Variants in PCGF5 observed in about 807,000 individuals in gnomAD.
PCGF5 encodes the protein polycomb group RING finger protein 5.
In PCGF5, 9 loss-of-function variants were observed where a neutral mutation model predicts 44.3. The observed-to-expected ratio is 0.20, with a 90% confidence interval of 0.12 to 0.35. The LOEUF (loss-of-function observed/expected upper bound fraction) is 0.35, where lower values mean the gene tolerates loss of function less well. Ranked by LOEUF, PCGF5 falls within the 10% of genes least tolerant of loss-of-function variation. PCGF5 has a pLI of 1.00. For missense variants in PCGF5, 146 were observed against 305.3 expected, an observed-to-expected ratio of 0.48 and a Z score of 3.89; for synonymous variants, 95 against 102.5, an observed-to-expected ratio of 0.93 and a Z score of 0.44.
chr10:91,178,550 C>T (rs978006212), intron 1 of PCGF5, among the ~76,000 whole-genome samples: 13 of 151,816 alleles, frequency 8.6e-5, no homozygotes, highest in African/African-American at 1.5e-4. Context: ...TCACCACACC[C>T]GGCTAATTTT....
rs560302979 is a variant in PCGF5, at chr10:91,259,714, T to C, written c.475-1612T>C. On this transcript the variant is annotated intron_variant, in intron 6 of 9. Transcript: ENST00000336126. ...TGACAAACCTGACAAAAACAAGAAA[T>C]GGGGAAAGGATTTCCTATTTAATAA... 4.2e-3 allele frequency among the ~76,000 whole-genome samples: 643 copies of C among 152,202 alleles called. 1 individual carries two copies. Among genetic ancestry groups the C allele is most frequent in the African/African-American group, 0.015 (611 of 41,518 alleles).
At chr10:91,186,598 GTA>G (rs1200136133) in intron 1 of PCGF5, among the ~76,000 whole-genome samples, 1 of 104,858 alleles carries the variant, frequency 9.5e-6, no homozygotes, top group East Asian at 2.1e-4. Context: ...ATATATATGT[GTA>G]TATATACACA....
At chr10:91,246,965 GGATAGATAGATAGATA>G (rs67397753) in intron 3 of PCGF5, among the ~76,000 whole-genome samples, 5,748 of 144,796 alleles carry the variant, frequency 0.04, 121 homozygotes, top group African/African-American at 0.05. Context: ...ATGGATAGAT[GGATAGATAGATAGATA>G]GATAGATAGA....
intron 2 of PCGF5, among the ~76,000 whole-genome samples, chr10:91,236,858 G>A (rs1246904321): frequency 6.6e-6 from 1 of 152,112 alleles, no homozygotes; most frequent in Non-Finnish European, 1.5e-5. Context: ...ATCTTCTAGA[G>A]ATTTTTTTAA....
chr10:91,179,285 A>G (rs1022266409), intron 1 of PCGF5, among the ~76,000 whole-genome samples: 1 of 152,218 alleles, frequency 6.6e-6, no homozygotes, highest in Admixed American at 6.5e-5. Flanking sequence ...TAGATTACCC[A>G]TGAATAATCA....
chr10:91,263,976 T>G (rs898747944), intron 7 of PCGF5, among the ~76,000 whole-genome samples: 2 of 152,082 alleles, frequency 1.3e-5, no homozygotes, highest in African/African-American at 4.8e-5. Flanking sequence ...CCCAAACTAA[T>G]AAGAAGATAG....
intron 1 of PCGF5, among the ~76,000 whole-genome samples, chr10:91,188,076 G>A (rs4933650): frequency 0.93 from 141,454 of 152,284 alleles, 65,783 homozygotes; most frequent in African/African-American, 0.97. Flanking sequence ...TGCTGCACCC[G>A]TTAACTCCCC....
At chr10:91,175,662 C>T (rs1367608348) in intron 1 of PCGF5, among the ~76,000 whole-genome samples, 2 of 152,060 alleles carry the variant, frequency 1.3e-5, no homozygotes, top group African/African-American at 4.8e-5. Context: ...AAATGAACAA[C>T]AATAAAAAAA....
At position 91,222,826 on chromosome 10, in the gene PCGF5, A is replaced by T. The variant is rs1373830537; in HGVS notation, c.-46A>T. 8.7e-7 allele frequency: 1 copy of T among 1,155,128 alleles called. No homozygotes were observed. Among genetic ancestry groups the T allele is most frequent in the East Asian group, 2.4e-5 (1 of 42,486 alleles). The allele number at this position is 1,155,128 out of a possible 1,614,324, so 71.6% of individuals were successfully genotyped here. A position where few individuals can be genotyped will look rare whatever the true frequency, so the allele number is the denominator to read the frequency against. On this transcript the variant is annotated 5_prime_UTR_variant, in exon 2 of 10. Coordinates refer to ENST00000336126, the MANE Select transcript of PCGF5 (RefSeq NM_032373.5). ...GGGATCAGACTTTCATCTACTTAGG[A>T]CCCCTCTTTGCCCAGACTACTAAAG... is the stretch of plus-strand genomic sequence containing the variant.
chr10:91,268,393 T>C (rs917369883), intron 8 of PCGF5, among the ~76,000 whole-genome samples: 2 of 152,224 alleles, frequency 1.3e-5, no homozygotes, highest in Admixed American at 1.3e-4. Context: ...TGACTAGTTT[T>C]ACCCATTTAT....
chr10:91,202,760 G>A (rs569843539), intron 1 of PCGF5, among the ~76,000 whole-genome samples: 2 of 152,244 alleles, frequency 1.3e-5, no homozygotes, highest in Non-Finnish European at 2.9e-5. Context: ...GGGGCAAGGG[G>A]TAGTTAGGCG....
rs1846435329 is a variant in PCGF5, at chr10:91,280,789, T to C, written c.*2473T>C. The C allele has an allele frequency of 6.6e-6, 1 of 152,196 alleles. No individual in the cohort carries two copies. The highest frequency in any genetic ancestry group is 1.5e-5 in the Non-Finnish European group (1 of 67,886). 9.4% of individuals were successfully genotyped at this position (152,196 alleles called of 1,614,324 possible). ...TCAGATTGTAGAATTTGCAAGAAAC[T>C]AGGTATAGAAAAAATGTACAGGCAA... On this transcript the variant is annotated 3_prime_UTR_variant, in exon 10 of 10. Coordinates refer to ENST00000336126, the MANE Select transcript of PCGF5 (RefSeq NM_032373.5).
Position 91,283,232 on chromosome 10 carries a change from ATAAAAT to A in PCGF5, c.*4923_*4928del, listed in dbSNP as rs1336719076. 18 of 152,356 alleles carry A rather than the reference ATAAAAT, an allele frequency of 1.2e-4. No individual in the cohort carries two copies. Among genetic ancestry groups the A allele is most frequent in the Admixed American group, 7.2e-4 (11 of 15,310 alleles). 9.4% of individuals were successfully genotyped at this position (152,356 alleles called of 1,614,324 possible). On this transcript the variant is annotated 3_prime_UTR_variant, in exon 10 of 10. Coordinates refer to ENST00000336126, the MANE Select transcript of PCGF5 (RefSeq NM_032373.5). ...TTACTTGCTTTCTTTATATTTTCAA[ATAAAAT>A]TAAAATGCTCGAGCACTTCCTTTCA...
At chr10:91,237,340 A>T (rs1196892387) in intron 2 of PCGF5, among the ~76,000 whole-genome samples, 1 of 152,220 alleles carries the variant, frequency 6.6e-6, no homozygotes, top group Non-Finnish European at 1.5e-5. Context: ...AGCAAGTCAG[A>T]ATATTACATT....
chr10:91,274,373 G>T (rs192856208), intron 9 of PCGF5, among the ~76,000 whole-genome samples: 3 of 152,216 alleles, frequency 2.0e-5, no homozygotes, highest in African/African-American at 7.2e-5. Flanking sequence ...TTAAAATAAG[G>T]TCTTGCCTTA....
At chr10:91,254,752 GAGTA>G (rs1845706525) in intron 6 of PCGF5, among the ~76,000 whole-genome samples, 1 of 152,194 alleles carries the variant, frequency 6.6e-6, no homozygotes, top group African/African-American at 2.4e-5. Flanking sequence ...AAAAAGAGTA[GAGTA>G]AGTATCTCTG....
chr10:91,231,524 A>C (rs1204174440), intron 2 of PCGF5, among the ~76,000 whole-genome samples: 3 of 152,196 alleles, frequency 2.0e-5, no homozygotes, highest in Non-Finnish European at 4.4e-5. Flanking sequence ...AAGACTCTAA[A>C]GCAGGAGTGT....
intron 1 of PCGF5, among the ~76,000 whole-genome samples, chr10:91,201,475 G>A (rs912264486): frequency 6.6e-6 from 1 of 152,072 alleles, no homozygotes; most frequent in Non-Finnish European, 1.5e-5. Context: ...TCATAAACAG[G>A]AGCTTAGGTC....
intron 8 of PCGF5, among the ~76,000 whole-genome samples, chr10:91,266,063 T>C (rs894379287): frequency 5.3e-5 from 8 of 152,222 alleles, no homozygotes; most frequent in African/African-American, 1.9e-4. Context: ...ACAACCAAAA[T>C]GTTCCAGGTA....
Sources: allele counts gnomAD v4.1 joint callset (sites outside exome capture counted in the v4.1 genomes callset), GRCh38; gene constraint gnomAD v4.1.1; transcripts MANE v1.5; gene names NCBI Gene and HGNC (gene_info 2026-07-23, HGNC 2026-07-21).